Variants in MTUS1 observed in about 807,000 individuals in gnomAD.
The protein encoded by MTUS1 is microtubule associated scaffold protein 1.
A neutral mutation model predicts 120.8 loss-of-function variants in MTUS1; 109 were observed. The observed-to-expected ratio is 0.90, with a 90% CI of 0.77 to 1.06. The LOEUF is 1.06. Ranked by LOEUF, MTUS1 falls within the 50% of genes least tolerant of loss-of-function variation. MTUS1 has a pLI of 0.00. For synonymous variants in MTUS1, 737 were observed against 550.5 expected, an observed-to-expected ratio of 1.34 and a Z score of -4.74; for missense variants, 2,210 against 1,486.3, an observed-to-expected ratio of 1.49 and a Z score of -8.01.
intron 1 of MTUS1, among the ~76,000 whole-genome samples, chr8:17,792,185 C>A (rs1484506214): frequency 1.3e-5 from 2 of 152,016 alleles, no homozygotes; most frequent in African/African-American, 2.4e-5. Context: ...CAAAATCTAG[C>A]TAAATGGTGA....
intron 1 of MTUS1, among the ~76,000 whole-genome samples, chr8:17,757,136 T>C (rs118011746): frequency 0.013 from 2,053 of 152,266 alleles, 20 homozygotes; most frequent in Non-Finnish European, 0.023. Flanking sequence ...AGTCATAAAG[T>C]AGAAACCCAC....
chr8:17,701,428 A>G (rs912565413), intron 6 of MTUS1, among the ~76,000 whole-genome samples: 1 of 152,248 alleles, frequency 6.6e-6, no homozygotes, highest in Admixed American at 6.5e-5. Flanking sequence ...TAAGCTCTCA[A>G]AGAACAGTGA....
intron 1 of MTUS1, among the ~76,000 whole-genome samples, chr8:17,762,236 A>G (rs11203911): frequency 0.9 from 137,006 of 152,178 alleles, 62,778 homozygotes; most frequent in East Asian, 1. Context: ...CCGAGATCAC[A>G]CCACCACACT....
At chr8:17,781,064 G>C (rs1183772282) in intron 1 of MTUS1, 1 of 152,138 alleles carries the variant, frequency 6.6e-6, no homozygotes, top group Non-Finnish European at 1.5e-5. Context: ...TATCTAATCA[G>C]ATCTCCATAA....
chr8:17,650,963 T>C (rs2130111680), intron 12 of MTUS1, among the ~76,000 whole-genome samples: 1 of 152,326 alleles, frequency 6.6e-6, no homozygotes, highest in Middle Eastern at 3.4e-3. Context: ...GTTTCTGCTC[T>C]GGACCAATCC....
At chr8:17,782,715 G>C (rs1028565812) in intron 1 of MTUS1, among the ~76,000 whole-genome samples, 1 of 152,054 alleles carries the variant, frequency 6.6e-6, no homozygotes, top group Non-Finnish European at 1.5e-5. Context: ...CATCTTTTCT[G>C]AAACCACAAG....
Position 17,649,957 on chromosome 8 carries a change from A to G in MTUS1, c.3390T>C (p.Asn1130=). 2 of 1,567,984 alleles carry G rather than the reference A, an allele frequency of 1.3e-6. No homozygotes were observed. The highest frequency in any genetic ancestry group is 2.2e-5 in the East Asian group (1 of 44,554). ...CCTGTTCTAGATACATGATCTGAGG[A>G]TTTTTCTGGAAAGGACACAGCAAGA... ...RRAREKANLK[N]PQIMYLEQEL... is the part of the protein sequence containing the mutation. The change falls in exon 13 of 15, where the codon AAT becomes AAC. Residue 1130 remains asparagine (N), a synonymous_variant. Transcript: ENST00000693296.
At chr8:17,663,339 C>T (rs1227455482) in intron 8 of MTUS1, among the ~76,000 whole-genome samples, 3 of 152,102 alleles carry the variant, frequency 2.0e-5, no homozygotes, top group Non-Finnish European at 4.4e-5. Flanking sequence ...GTACTGTTTA[C>T]AGAGAAAAGC....
At chr8:17,779,127 A>C (rs1048559105) in intron 1 of MTUS1, among the ~76,000 whole-genome samples, 3 of 152,216 alleles carry the variant, frequency 2.0e-5, no homozygotes, top group African/African-American at 7.2e-5. Flanking sequence ...CCCCAGGAAT[A>C]AGTAGTAGGT....
Position 17,754,261 on chromosome 8 carries a change from G to A in MTUS1, c.1547C>T (p.Ser516Phe). 6.2e-7 allele frequency: 1 copy of A among 1,614,086 alleles called. No individual in the cohort carries two copies. The highest frequency in any genetic ancestry group is 8.5e-7 in the Non-Finnish European group (1 of 1,180,026). ...ATCTTTGGGCTGCAACACTGCTCTAGACATAACTTTTGCTTTGACATTCTT... is the reference window on the plus strand; with the variant it reads ...ATCTTTGGGCTGCAACACTGCTCTAAACATAACTTTTGCTTTGACATTCTT... ...NFKNVKAKVMSRAVLQPKDAA... is the reference protein window; with the variant it reads ...NFKNVKAKVMFRAVLQPKDAA... The change falls in exon 2 of 15, where the codon TCT becomes TTT. Residue 516 changes from serine (S) to phenylalanine (F), a missense_variant. By Grantham distance (155) the Ser-to-Phe change is radical. Transcript: ENST00000693296.
intron 6 of MTUS1, among the ~76,000 whole-genome samples, chr8:17,695,121 C>A (rs1256301740): frequency 6.6e-6 from 1 of 152,112 alleles, no homozygotes; most frequent in African/African-American, 2.4e-5. Flanking sequence ...CATGAATTAC[C>A]CACTTGACGG....
In MTUS1 at chr8:17,766,971, T is replaced by C. The variant is rs191817222; in HGVS notation, c.-154-11010A>G. On this transcript the variant is annotated intron_variant, in intron 1 of 14. Coordinates refer to ENST00000693296, the MANE Select transcript of MTUS1 (RefSeq NM_001363059.2). ...TAGGTAGACTGAATTGACAATCATA[T>C]GATCAGTATATTTGAGAATTATATG... Among the ~76,000 whole-genome samples the C allele has an allele frequency of 9.3e-3, 1,417 of 152,252 alleles. 14 individuals are homozygous for C. The highest frequency in any genetic ancestry group is 0.022 in the South Asian group (107 of 4,822).
At chr8:17,795,703 G>A (rs1416929678) in intron 1 of MTUS1, among the ~76,000 whole-genome samples, 1 of 152,188 alleles carries the variant, frequency 6.6e-6, no homozygotes, top group Non-Finnish European at 1.5e-5. Context: ...GCAGTGATGC[G>A]ATCTCGGCTC....
intron 1 of MTUS1, 83 bp from the exon 2 acceptor site, chr8:17,756,044 G>C (rs1269348112): frequency 4.1e-6 from 3 of 732,598 alleles, no homozygotes; most frequent in Non-Finnish European, 6.0e-6. Flanking sequence ...TAAGTGATTA[G>C]TTTCAATCAC....
intron 6 of MTUS1, among the ~76,000 whole-genome samples, chr8:17,706,922 A>G (rs1820283039): frequency 6.6e-6 from 1 of 152,234 alleles, no homozygotes; most frequent in South Asian, 2.1e-4. Flanking sequence ...TCTAAACTAC[A>G]TGCTAAACTT....
At chr8:17,682,156 G>A (rs1216816982) in intron 7 of MTUS1, among the ~76,000 whole-genome samples, 6 of 152,148 alleles carry the variant, frequency 3.9e-5, no homozygotes, top group Non-Finnish European at 7.3e-5. Context: ...GTAAGAGGAC[G>A]CTGTCAGCAG....
chr8:17,730,008 A>C (rs2046457072), intron 3 of MTUS1, among the ~76,000 whole-genome samples: 2 of 151,828 alleles, frequency 1.3e-5, no homozygotes, highest in Admixed American at 6.6e-5. Context: ...AAAAAAGCAA[A>C]AACAAAAAAT....
chr8:17,721,816 G>T, intron 4 of MTUS1: 1 of 1,614,170 alleles, frequency 6.2e-7, no homozygotes, highest in Non-Finnish European at 8.5e-7. Context: ...CTCTGAACCA[G>T]CCGGTGGGGT....
At chr8:17,778,932 C>T (rs1340525434) in intron 1 of MTUS1, among the ~76,000 whole-genome samples, 1 of 152,198 alleles carries the variant, frequency 6.6e-6, no homozygotes, top group Admixed American at 6.5e-5. Context: ...ATCAAATGTA[C>T]TGAGTGCCCA....
Sources: gnomAD v4.1 joint callset for allele counts (sites outside exome capture counted in the v4.1 genomes callset) on GRCh38, gnomAD v4.1.1 for gene constraint, MANE v1.5 for transcripts, NCBI Gene and HGNC (gene_info 2026-07-23, HGNC 2026-07-21) for gene names.